NRG1: variants seen among roughly 807,000 people sequenced by gnomAD.
NRG1 encodes neuregulin 1, also known as pro-neuregulin-1, membrane-bound isoform.
NRG1 carries 18 observed loss-of-function variants against 63.8 expected under a neutral mutation model. That is an observed-to-expected ratio of 0.28 (90% CI 0.19 to 0.42). The LOEUF is 0.42. Among genes scored for constraint, NRG1 ranks in the 10% least tolerant of loss-of-function variants. NRG1 has a pLI of 1.00. For missense variants in NRG1, 762 were observed against 814.7 expected, an observed-to-expected ratio of 0.94 and a Z score of 0.79; for synonymous variants, 302 against 301.3, an observed-to-expected ratio of 1.00 and a Z score of -0.02.
rs1052378113 is a variant in NRG1, at chr8:31,640,274, T to C, written c.37+843T>C. On this transcript the variant is annotated intron_variant, in intron 1 of 10. Coordinates refer to the NRG1 transcript ENST00000519301. This position sits in a 1 kb window ranked among gnomAD's most constrained non-coding sequence, Gnocchi z 6.3. Reference sequence around the variant, plus strand: ...CCGCAGCGGCGGCAGCAGGGGGCACTCGACAGGAAGGCGGCGGCGGCGGCG... The same window carrying C: ...CCGCAGCGGCGGCAGCAGGGGGCACCCGACAGGAAGGCGGCGGCGGCGGCG... The C allele has an allele frequency of 1.1e-5, 13 of 1,134,636 alleles. No homozygotes were observed. The African/African-American group carries it at 1.3e-4, about 12-fold the overall frequency. The allele number at this position is 1,134,636 out of a possible 1,614,324, so 70.3% of individuals were successfully genotyped here.
intron 1 of NRG1, among the ~76,000 whole-genome samples, chr8:31,995,925 A>T (rs1811893135): frequency 6.6e-6 from 1 of 151,728 alleles, no homozygotes; most frequent in Non-Finnish European, 1.5e-5. Context: ...CTATTTCCGT[A>T]TTCCCTATGC....
chr8:31,934,028 A>G (rs929670303), intron 1 of NRG1, among the ~76,000 whole-genome samples: 3 of 152,182 alleles, frequency 2.0e-5, no homozygotes, highest in Admixed American at 6.5e-5. Flanking sequence ...TACAAAGAGA[A>G]CTATAGTTGC....
At chr8:32,048,438 T>TATAC (rs1158711051) in intron 1 of NRG1, among the ~76,000 whole-genome samples, 5 of 12,458 alleles carry the variant, frequency 4.0e-4, no homozygotes, top group African/African-American at 5.7e-4. Context: ...TGTACACATA[T>TATAC]ATACATACAT....
intron 1 of NRG1, among the ~76,000 whole-genome samples, chr8:31,724,705 G>C (rs944916544): frequency 3.9e-5 from 6 of 152,054 alleles, no homozygotes; most frequent in Non-Finnish European, 5.9e-5. Context: ...CAAAATGAAA[G>C]AATATGAATA....
intron 1 of NRG1, among the ~76,000 whole-genome samples, chr8:31,832,458 C>T (rs1459204450): frequency 1.3e-5 from 2 of 152,028 alleles, no homozygotes; most frequent in Non-Finnish European, 1.5e-5. Flanking sequence ...AGAGTTTCGC[C>T]ATGTTGTCCA....
intron 1 of NRG1, among the ~76,000 whole-genome samples, chr8:32,177,478 T>TA (rs1315695839): frequency 6.6e-6 from 1 of 152,022 alleles, no homozygotes; most frequent in African/African-American, 2.4e-5. Flanking sequence ...TAAATTATAA[T>TA]AAAAAAATTA....
At chr8:32,585,190 T>G (rs1470710324) in intron 1 of NRG1, among the ~76,000 whole-genome samples, 1 of 146,904 alleles carries the variant, frequency 6.8e-6, no homozygotes, top group Non-Finnish European at 1.5e-5. Flanking sequence ...ATGGCTGGTA[T>G]GTATAATGCA....
At chr8:32,378,557 G>A (rs957367971) in intron 1 of NRG1, among the ~76,000 whole-genome samples, 1 of 152,052 alleles carries the variant, frequency 6.6e-6, no homozygotes, top group African/African-American at 2.4e-5. Flanking sequence ...AAAGATCAAG[G>A]GATTTGCCCT....
intron 1 of NRG1, among the ~76,000 whole-genome samples, chr8:32,414,843 G>A (rs773023331): frequency 1.3e-5 from 2 of 152,114 alleles, no homozygotes; most frequent in Non-Finnish European, 2.9e-5. Flanking sequence ...AAGGTGCTTC[G>A]GTTGAATCTA....
At chr8:32,075,965 G>A (rs1399808258) in intron 1 of NRG1, among the ~76,000 whole-genome samples, 2 of 152,132 alleles carry the variant, frequency 1.3e-5, no homozygotes, top group African/African-American at 4.8e-5. Flanking sequence ...GAACCACCGC[G>A]CTCGGCCACA....
chr8:31,748,318 A>T (rs187220739), intron 1 of NRG1, among the ~76,000 whole-genome samples: 77 of 152,074 alleles, frequency 5.1e-4, no homozygotes, highest in African/African-American at 1.7e-3. Context: ...GAGTCCTCAC[A>T]ATAATCTTAT....
chr8:32,467,045 C>T (rs1282232079), intron 1 of NRG1, among the ~76,000 whole-genome samples: 1 of 152,018 alleles, frequency 6.6e-6, no homozygotes, highest in Admixed American at 6.6e-5. Context: ...GCTTTACAAT[C>T]CTCCCCTTTG....
chr8:31,931,487 T>C (rs1464134712), intron 1 of NRG1, among the ~76,000 whole-genome samples: 1 of 152,198 alleles, frequency 6.6e-6, no homozygotes. Flanking sequence ...ATTTTTGTGA[T>C]CATTATTATA....
intron 1 of NRG1, among the ~76,000 whole-genome samples, chr8:31,918,398 G>A (rs978382503): frequency 2.6e-4 from 40 of 152,158 alleles, no homozygotes; most frequent in Non-Finnish European, 5.0e-4. Flanking sequence ...TTTGTTGAGA[G>A]TTTTTAGCAT....
At chr8:31,989,253 CAAAAAAAAA>C (rs10692906) in intron 1 of NRG1, among the ~76,000 whole-genome samples, 2 of 47,522 alleles carry the variant, frequency 4.2e-5, no homozygotes, top group African/African-American at 1.1e-4. Flanking sequence ...GACTCTGTCT[CAAAAAAAAA>C]AAAAAAAAAA....
intron 1 of NRG1, among the ~76,000 whole-genome samples, chr8:32,371,155 C>G (rs1360173989): frequency 1.3e-5 from 2 of 151,834 alleles, no homozygotes; most frequent in Non-Finnish European, 2.9e-5. Flanking sequence ...GAATTTGCAG[C>G]GAGCCGAGAT....
chr8:31,947,678 T>C (rs958617353), intron 1 of NRG1, among the ~76,000 whole-genome samples: 1 of 152,050 alleles, frequency 6.6e-6, no homozygotes, highest in Admixed American at 6.5e-5. Flanking sequence ...GCATGGTGGC[T>C]CATGCCTGTA....
chr8:32,487,339 G>A (rs117784691), intron 1 of NRG1, among the ~76,000 whole-genome samples: 2,747 of 152,078 alleles, frequency 0.018, 31 homozygotes, highest in Middle Eastern at 0.041. Flanking sequence ...AAAGGGAAAC[G>A]AAATGCAACT....
chr8:31,839,541 A>T (rs1342167171), intron 1 of NRG1, among the ~76,000 whole-genome samples: 1 of 152,168 alleles, frequency 6.6e-6, no homozygotes, highest in African/African-American at 2.4e-5. Context: ...ACCTGCTTGG[A>T]TATGAGTCAA....
Sources: gnomAD v4.1 joint callset for allele counts (sites outside exome capture counted in the v4.1 genomes callset) on GRCh38, gnomAD v4.1.1 for gene constraint, Gnocchi (gnomAD v3.1) non-coding constraint, MANE v1.5 for transcripts, NCBI Gene and HGNC (gene_info 2026-07-23, HGNC 2026-07-21) for gene names.